DAPK2: variants seen among roughly 807,000 people sequenced by gnomAD.
DAPK2 encodes the protein death associated protein kinase 2, also known as death-associated protein kinase 2.
In DAPK2, 35 loss-of-function variants were observed where a neutral mutation model predicts 44.1. The observed-to-expected ratio is 0.79, with a 90% CI of 0.61 to 1.05. DAPK2 has a LOEUF of 1.05. Ranked by LOEUF, DAPK2 falls within the 50% of genes least tolerant of loss-of-function variation. The probability of loss-of-function intolerance (pLI) is 0.00; values close to 1 mark genes in which losing one functional copy is unlikely to be tolerated. For missense variants in DAPK2, 453 were observed against 483.2 expected (o/e 0.94, Z 0.59); for synonymous variants, 174 against 182.6 (o/e 0.95, Z 0.38).
chr15:64,039,231 T>G (rs2080291915), intron 1 of DAPK2, among the ~76,000 whole-genome samples: 2 of 152,226 alleles, frequency 1.3e-5, no homozygotes, highest in African/African-American at 4.8e-5. Context: ...GTCTACACAC[T>G]CTAAATTCCC....
chr15:63,948,261 A>C (rs566400431), intron 3 of DAPK2, among the ~76,000 whole-genome samples: 1 of 93,466 alleles, frequency 1.1e-5, no homozygotes, highest in African/African-American at 4.4e-5. Flanking sequence ...ATGGAGTGAG[A>C]CTCCATCTCA....
intron 1 of DAPK2, among the ~76,000 whole-genome samples, chr15:63,985,138 G>C (rs1002745297): frequency 3.3e-5 from 5 of 152,274 alleles, no homozygotes; most frequent in Admixed American, 1.3e-4. Context: ...CAAAGGCACA[G>C]ACAACAGGTA....
intron 1 of DAPK2, among the ~76,000 whole-genome samples, chr15:64,015,132 C>A (rs1010532014): frequency 6.6e-6 from 1 of 152,118 alleles, no homozygotes; most frequent in Non-Finnish European, 1.5e-5. Context: ...GGAAAGGGTA[C>A]CGTGTGGTCA....
At chr15:64,037,950 C>G (rs2080253561) in intron 1 of DAPK2, among the ~76,000 whole-genome samples, 1 of 152,170 alleles carries the variant, frequency 6.6e-6, no homozygotes, top group South Asian at 2.1e-4. Flanking sequence ...AGAATCACCC[C>G]AAGACACCCC....
intron 3 of DAPK2, among the ~76,000 whole-genome samples, chr15:63,964,781 CT>C (rs1402140492): frequency 6.6e-6 from 1 of 152,012 alleles, no homozygotes; most frequent in African/African-American, 2.4e-5. Flanking sequence ...TCCAGAATTT[CT>C]GTTTGATTCT....
At chr15:63,934,752 T>C (rs1269194729) in intron 4 of DAPK2, among the ~76,000 whole-genome samples, 1 of 152,092 alleles carries the variant, frequency 6.6e-6, no homozygotes, top group African/African-American at 2.4e-5. Context: ...AGAGGTGGGG[T>C]TTCACCATGT....
chr15:64,031,674 C>T lies in DAPK2; in HGVS notation c.92+8496G>A, dbSNP rs549373909. Among the ~76,000 whole-genome samples the T allele has an allele frequency of 1.3e-3, 201 of 152,306 alleles. 1 individual carries two copies. Among genetic ancestry groups the T allele is most frequent in the African/African-American group, 4.4e-3 (182 of 41,564 alleles). On this transcript the variant is annotated intron_variant, in intron 1 of 10. Coordinates refer to ENST00000261891, the Ensembl canonical transcript of DAPK2. ...GGCTTTGCCCAGAGGAAGTTTCTGG[C>T]TTTTATTTCCGACATTCTTTGAGAT...
chr15:63,923,062 G>C lies in DAPK2; in HGVS notation c.858+1754C>G, dbSNP rs1018879370. The C allele has an allele frequency of 3.3e-6, 5 of 1,535,800 alleles. No homozygotes were observed. Among genetic ancestry groups the C allele is most frequent in the Non-Finnish European group, 4.4e-6 (5 of 1,146,722 alleles). On this transcript the variant is annotated intron_variant, in intron 8 of 10. Coordinates refer to ENST00000261891, the Ensembl canonical transcript of DAPK2. The surrounding 1 kb of genome is among the most constrained non-coding windows in gnomAD (Gnocchi z 4.2). ...TGAGCTGGGACAGGTCATGCCGGGC[G>C]CTCTCATTCTCCTCTCGGTACCAAG...
chr15:64,022,815 T>A (rs1304909179), intron 1 of DAPK2, among the ~76,000 whole-genome samples: 1 of 152,104 alleles, frequency 6.6e-6, no homozygotes, highest in Non-Finnish European at 1.5e-5. Flanking sequence ...TGAGACCAAG[T>A]GAAGAATACT....
At chr15:63,926,208 A>G in intron 6 of DAPK2, 115 bp from the exon 8 acceptor site, 1 of 1,213,058 alleles carries the variant, frequency 8.2e-7, no homozygotes, top group Non-Finnish European at 1.1e-6. Context: ...GGCTCCCAGC[A>G]ACACAGCCTG....
chr15:63,957,374 T>C (rs1462585293), intron 3 of DAPK2, among the ~76,000 whole-genome samples: 1 of 152,106 alleles, frequency 6.6e-6, no homozygotes, highest in Non-Finnish European at 1.5e-5. Flanking sequence ...ATTATTATTA[T>C]ACATTAAGTT....
chr15:63,917,003 T>A lies in DAPK2; in HGVS notation c.859-4806A>T, dbSNP rs966385927. 1.3e-5 allele frequency: 2 copies of A among 152,180 alleles called. No individual in the cohort carries two copies. Among genetic ancestry groups the A allele is most frequent in the African/African-American group, 4.8e-5 (2 of 41,410 alleles). 9.4% of individuals were successfully genotyped at this position (152,180 alleles called of 1,614,324 possible). A position where few individuals can be genotyped will look rare whatever the true frequency, so the allele number is the denominator to read the frequency against. The stretch of plus-strand genomic sequence containing the variant: ...GGGACATGTGAGGATGGAATGGGAA[T>A]CCAGATGAGATGAAGGAATTATTGC... On this transcript the variant is annotated intron_variant, in intron 8 of 10. Transcript: ENST00000261891. The surrounding 1 kb of genome is among the most constrained non-coding windows in gnomAD (Gnocchi z 4.4).
chr15:63,922,755 G>A (rs920762), intron 8 of DAPK2: 4 of 1,518,452 alleles, frequency 2.6e-6, no homozygotes, highest in Non-Finnish European at 3.5e-6. Context: ...CAGCCTGCCA[G>A]AAATTCCTCA....
intron 1 of DAPK2, among the ~76,000 whole-genome samples, chr15:64,025,846 T>C (rs2141110147): frequency 6.6e-6 from 1 of 152,314 alleles, no homozygotes; most frequent in South Asian, 2.1e-4. Flanking sequence ...GAAATATGGA[T>C]ATTGCGGGGG....
chr15:64,016,004 A>G (rs1409641172), intron 1 of DAPK2, among the ~76,000 whole-genome samples: 1 of 152,216 alleles, frequency 6.6e-6, no homozygotes, highest in Non-Finnish European at 1.5e-5. Context: ...ACAGCAGGGA[A>G]AGGGGGCATA....
At chr15:63,984,646 C>T (rs574011015) in intron 1 of DAPK2, among the ~76,000 whole-genome samples, 1 of 152,332 alleles carries the variant, frequency 6.6e-6, no homozygotes, top group East Asian at 1.9e-4. Flanking sequence ...CGTCCCCTTA[C>T]TGCCATTTGC....
intron 3 of DAPK2, among the ~76,000 whole-genome samples, chr15:63,955,380 G>GT (rs1028623849): frequency 5.9e-5 from 9 of 152,038 alleles, no homozygotes. Context: ...AAATGATTAT[G>GT]TTTTTTTCCT....
chr15:64,019,544 A>T (rs921751179), intron 1 of DAPK2, among the ~76,000 whole-genome samples: 1 of 152,244 alleles, frequency 6.6e-6, no homozygotes, highest in Non-Finnish European at 1.5e-5. Context: ...TTTTCAGATT[A>T]TAAAAGTAAT....
chr15:63,976,190 A>G (rs891146232), intron 2 of DAPK2, among the ~76,000 whole-genome samples: 2 of 152,218 alleles, frequency 1.3e-5, no homozygotes, highest in East Asian at 1.9e-4. Context: ...ACTTTCTGCA[A>G]TGATGAAAAT....
Sources: gnomAD v4.1 joint callset for allele counts (sites outside exome capture counted in the v4.1 genomes callset) on GRCh38, gnomAD v4.1.1 for gene constraint, Gnocchi (gnomAD v3.1) non-coding constraint, MANE v1.5 for transcripts, NCBI Gene and HGNC (gene_info 2026-07-23, HGNC 2026-07-21) for gene names.